The following NREP variants were observed in gnomAD, a reference collection of about 807,000 sequenced individuals.
The protein encoded by NREP is neuronal regeneration-related protein.
A neutral mutation model predicts 8.6 loss-of-function variants in NREP; 5 were observed. The observed-to-expected ratio is 0.58, with a 90% confidence interval of 0.30 to 1.22. NREP has a LOEUF of 1.22. NREP is among the 50% of genes most tolerant of loss of function. NREP has a pLI of 0.07. For missense variants in NREP, 86 were observed against 82.5 expected (o/e 1.04, Z -0.17); for synonymous variants, 27 against 28.0 (o/e 0.96, Z 0.11).
At chr5:111,741,828 C>CACAG (rs143548812) in intron 2 of NREP, among the ~76,000 whole-genome samples, 18,388 of 145,774 alleles carry the variant, frequency 0.13, 1,573 homozygotes, top group African/African-American at 0.25. Context: ...CACACATACA[C>CACAG]ACACACACAC....
rs143833205 is a variant in NREP at position 111,951,363 on chromosome 5, A to AT, written c.135+23910dup. Among the ~76,000 whole-genome samples the AT allele has an allele frequency of 4.9e-3, 742 of 151,818 alleles. 10 individuals are homozygous for AT. The highest frequency in any genetic ancestry group is 0.017 in the African/African-American group (722 of 41,450). ...TTTCTATTTATGTAGATGATTTAGT[A>AT]TTTTTTTTACAGCAGGGGTAAACGA... On this transcript the variant is annotated intron_variant, in intron 2 of 3. Coordinates refer to the NREP transcript ENST00000395634.
At chr5:111,753,534 AAAT>A (rs1750512264) in intron 2 of NREP, among the ~76,000 whole-genome samples, 1 of 151,990 alleles carries the variant, frequency 6.6e-6, no homozygotes, top group Non-Finnish European at 1.5e-5. Flanking sequence ...GGAATCTACT[AAAT>A]AATTTCTTAC....
At chr5:111,791,064 T>A (rs1321709061) in intron 2 of NREP, among the ~76,000 whole-genome samples, 3 of 152,218 alleles carry the variant, frequency 2.0e-5, no homozygotes, top group African/African-American at 2.4e-5. Context: ...AAGATTAAAC[T>A]GTTTATAGCA....
intron 2 of NREP, among the ~76,000 whole-genome samples, chr5:111,745,232 G>A (rs1317753741): frequency 1.3e-5 from 2 of 152,068 alleles, no homozygotes; most frequent in Admixed American, 6.6e-5. Context: ...TATCATCATC[G>A]TCACCATTTT....
chr5:111,919,728 G>A (rs1010926624), intron 2 of NREP, among the ~76,000 whole-genome samples: 1 of 152,068 alleles, frequency 6.6e-6, no homozygotes, highest in African/African-American at 2.4e-5. Flanking sequence ...GTCAGGGGTT[G>A]AGGGACTAGG....
chr5:111,858,141 T>C (rs984197936), intron 2 of NREP, among the ~76,000 whole-genome samples: 3 of 152,096 alleles, frequency 2.0e-5, no homozygotes, highest in Non-Finnish European at 2.9e-5. Context: ...TGCTCATTTT[T>C]ATGTATTACA....
intron 2 of NREP, among the ~76,000 whole-genome samples, chr5:111,908,568 C>T (rs935182976): frequency 4.6e-5 from 7 of 151,984 alleles, no homozygotes; most frequent in Non-Finnish European, 1.0e-4. Flanking sequence ...GCTGAGATGG[C>T]CCCTAGCTAC....
chr5:111,884,912 C>T (rs1444527451), intron 2 of NREP, among the ~76,000 whole-genome samples: 1 of 152,212 alleles, frequency 6.6e-6, no homozygotes, highest in African/African-American at 2.4e-5. Context: ...TGAAAACTGG[C>T]ACACGACAGG....
At chr5:111,943,530 T>C (rs1349810352) in intron 2 of NREP, among the ~76,000 whole-genome samples, 2 of 152,130 alleles carry the variant, frequency 1.3e-5, no homozygotes, top group African/African-American at 4.8e-5. Flanking sequence ...AGATGGGCAC[T>C]GAAATCTCAA....
At chr5:111,844,849 G>A (rs1339273147) in intron 2 of NREP, among the ~76,000 whole-genome samples, 2 of 151,066 alleles carry the variant, frequency 1.3e-5, no homozygotes, top group Non-Finnish European at 2.9e-5. Flanking sequence ...TATGCAAATT[G>A]TGTGAATTGT....
In NREP at chr5:111,976,191, T is replaced by C. The variant is rs1331246112; in HGVS notation, c.30+519A>G. ...ATTCAGAAAAGATTATACAATAGCT[T>C]TTGACTTAAATAGGAGCTCTGCATA... On this transcript the variant is annotated intron_variant, in intron 1 of 3. Coordinates refer to the NREP transcript ENST00000395634. Among the ~76,000 whole-genome samples, 9 of 152,148 alleles carry C rather than the reference T, an allele frequency of 5.9e-5. No homozygotes were observed. The East Asian group carries it at 1.7e-3, about 29-fold the overall frequency.
intron 2 of NREP, among the ~76,000 whole-genome samples, chr5:111,965,742 A>C (rs1226212792): frequency 6.6e-6 from 1 of 152,216 alleles, no homozygotes; most frequent in Non-Finnish European, 1.5e-5. Flanking sequence ...ACAGTTTGCT[A>C]ACATCAACAA....
At chr5:111,918,067 G>A (rs1220928237) in intron 2 of NREP, among the ~76,000 whole-genome samples, 1 of 151,990 alleles carries the variant, frequency 6.6e-6, no homozygotes, top group African/African-American at 2.4e-5. Flanking sequence ...ACCAATAATA[G>A]ACCAATAGAG....
intron 2 of NREP, among the ~76,000 whole-genome samples, chr5:111,832,658 G>T (rs891673459): frequency 3.9e-5 from 6 of 152,166 alleles, no homozygotes; most frequent in African/African-American, 1.4e-4. Context: ...CTACCAGATG[G>T]TTCTGACCCC....
intron 2 of NREP, among the ~76,000 whole-genome samples, chr5:111,748,206 A>G (rs887002535): frequency 6.6e-6 from 1 of 152,150 alleles, no homozygotes; most frequent in African/African-American, 2.4e-5. Flanking sequence ...GAATTTTAGG[A>G]GTCATTTTTG....
intron 2 of NREP, among the ~76,000 whole-genome samples, chr5:111,746,816 A>G (rs896704063): frequency 6.6e-6 from 1 of 152,176 alleles, no homozygotes; most frequent in African/African-American, 2.4e-5. Context: ...TGATTTATCT[A>G]TTCAAATTCT....
rs979025662 is a variant in NREP at position 111,784,244 on chromosome 5, T to C, written c.136-48737A>G. 2.6e-5 allele frequency among the ~76,000 whole-genome samples: 4 copies of C among 152,180 alleles called. No homozygotes were observed. In the South Asian group the frequency reaches 6.2e-4, roughly 24 times the overall value. On this transcript the variant is annotated intron_variant, in intron 2 of 3. Transcript: ENST00000395634. ...GGATTTTTTTTTAAGGCTAGGCCCA[T>C]AGGTGGTATGTTTAGTTTTGTCCAT...
intron 2 of NREP, among the ~76,000 whole-genome samples, chr5:111,811,276 A>G (rs1752263123): frequency 6.6e-6 from 1 of 152,070 alleles, no homozygotes; most frequent in Non-Finnish European, 1.5e-5. Context: ...CTATTACTGG[A>G]ATATTGAACA....
intron 2 of NREP, among the ~76,000 whole-genome samples, chr5:111,895,756 C>T (rs1273013199): frequency 6.6e-6 from 1 of 152,118 alleles, no homozygotes; most frequent in Non-Finnish European, 1.5e-5. Flanking sequence ...ATGCCAGTAG[C>T]ACGTCCCAGT....
Sources: allele counts gnomAD v4.1 joint callset (sites outside exome capture counted in the v4.1 genomes callset), GRCh38; gene constraint gnomAD v4.1.1; transcripts MANE v1.5; gene names NCBI Gene and HGNC (gene_info 2026-07-23, HGNC 2026-07-21).